Variants in RSRC2 observed in about 807,000 individuals in gnomAD.
The protein encoded by RSRC2 is arginine/serine-rich coiled-coil protein 2.
Under a neutral mutation model 61.3 loss-of-function variants are expected in RSRC2, and 5 were observed. The observed-to-expected ratio is 0.08, with a 90% CI of 0.04 to 0.17. The LOEUF (loss-of-function observed/expected upper bound fraction) is 0.17. RSRC2 is among the 10% of genes least tolerant of loss of function. The probability of loss-of-function intolerance (pLI) is 1.00; values close to 1 mark genes in which losing one functional copy is unlikely to be tolerated. For synonymous variants in RSRC2, 202 were observed against 166.5 expected (o/e 1.21, Z -1.64); for missense variants, 381 against 518.8 (o/e 0.73, Z 2.58).
chr12:122,522,070 T>C, intron 2 of RSRC2, 73 bp downstream of exon 2: 1 of 1,426,820 alleles, frequency 7.0e-7, no homozygotes, highest in Non-Finnish European at 9.5e-7. Flanking sequence ...TAAATGTATG[T>C]GTCTTCTTAT....
At chr12:122,520,365 A>C (rs1959179614) in intron 3 of RSRC2, 1 of 483,396 alleles carries the variant, frequency 2.1e-6, no homozygotes, top group African/African-American at 2.1e-5. Flanking sequence ...TAAGTGGTTA[A>C]ACTTCTAAAG....
intron 7 of RSRC2, 58 bp from the exon 8 acceptor site, chr12:122,508,505 G>A: frequency 7.7e-7 from 1 of 1,306,356 alleles, no homozygotes; most frequent in South Asian, 1.3e-5. Context: ...TAAACCTCCT[G>A]ATTTACATTA....
In RSRC2 at chr12:122,505,308, C is replaced by T; in HGVS notation, c.*219G>A. ...GAATTCATGAACTAAAAAATATTAT[C>T]CTTCTATAGTCCTGTCAAGTTTAAT... On this transcript the variant is annotated 3_prime_UTR_variant, in exon 10 of 10. Transcript: ENST00000331738. 1 of 399,522 alleles carries T rather than the reference C, an allele frequency of 2.5e-6. No homozygotes were observed. The highest frequency in any genetic ancestry group is 3.7e-5 in the East Asian group (1 of 26,928). The allele number at this position is 399,522 out of a possible 1,614,324, so 24.7% of individuals were successfully genotyped here.
intron 3 of RSRC2, chr12:122,520,351 G>C: frequency 2.4e-6 from 1 of 419,806 alleles, no homozygotes; most frequent in Non-Finnish European, 4.3e-6. Flanking sequence ...GACTGGAAAA[G>C]TCTTAAGTGG....
intron 9 of RSRC2, chr12:122,506,471 C>T (rs566497230): frequency 2.7e-4 from 49 of 184,042 alleles, no homozygotes; most frequent in African/African-American, 7.7e-4. Flanking sequence ...GGAGGCTGGG[C>T]GCAGTGGCTC....
At chr12:122,526,696 C>T (rs1366918082) in intron 1 of RSRC2, 152 bp downstream of exon 1, 1 of 837,532 alleles carries the variant, frequency 1.2e-6, no homozygotes, top group African/African-American at 1.7e-5. Flanking sequence ...CCCCTCCCTA[C>T]AGCAGGCAGC....
chr12:122,514,477 C>T (rs191271974), intron 6 of RSRC2: 2 of 412,590 alleles, frequency 4.8e-6, no homozygotes, highest in African/African-American at 2.2e-5. Flanking sequence ...GTTGGCCAGG[C>T]TGGTCTCCCA....
chr12:122,521,906 CAGA>C (rs1312252415), intron 2 of RSRC2, among the ~76,000 whole-genome samples: 3 of 152,216 alleles, frequency 2.0e-5, no homozygotes, highest in Non-Finnish European at 4.4e-5. Flanking sequence ...GAGGCTGAGG[CAGA>C]AGAACTGCCT....
intron 8 of RSRC2, 66 bp downstream of exon 8, chr12:122,508,152 A>T: frequency 7.1e-7 from 1 of 1,412,576 alleles, no homozygotes. Flanking sequence ...TTTCAACCCA[A>T]ATTTGTTTTT....
chr12:122,508,450 G>A lies in RSRC2; in HGVS notation c.806-3C>T. 6.2e-7 allele frequency: 1 copy of A among 1,607,200 alleles called. No homozygotes were observed. ...AACAGAACCTCCAGTAGCTGCAGCT[G>A]CTTGAAGAGAATACAAAAATGGATT... On this transcript the variant is annotated splice_polypyrimidine_tract_variant and splice_region_variant and intron_variant, in intron 7 of 9. Coordinates refer to ENST00000331738, the MANE Select transcript of RSRC2 (RefSeq NM_023012.6).
At chr12:122,516,321 GT>G (rs1958922500) in intron 5 of RSRC2, among the ~76,000 whole-genome samples, 1 of 152,070 alleles carries the variant, frequency 6.6e-6, no homozygotes, top group Admixed American at 6.6e-5. Context: ...GCTCTTTATT[GT>G]ACACCTCCTA....
At chr12:122,514,063 A>C (rs1958723249) in intron 6 of RSRC2, 1 of 152,204 alleles carries the variant, frequency 6.6e-6, no homozygotes, top group South Asian at 2.1e-4. Context: ...CGAGAGAAAA[A>C]AAAATCAAAA....
intron 4 of RSRC2, among the ~76,000 whole-genome samples, chr12:122,518,022 C>T (rs1029562883): frequency 1.3e-5 from 2 of 152,156 alleles, no homozygotes; most frequent in Non-Finnish European, 2.9e-5. Flanking sequence ...CTCAGCTGGG[C>T]AGAGTGACTC....
chr12:122,507,379 T>C (rs78863104), intron 8 of RSRC2: 4,832 of 155,698 alleles, frequency 0.031, 272 homozygotes, highest in African/African-American at 0.11. Flanking sequence ...CAAGACTCTG[T>C]CTCAAAAATA....
At chr12:122,508,105 C>T (rs1459879650) in intron 8 of RSRC2, 113 bp downstream of exon 8, 5 of 968,894 alleles carry the variant, frequency 5.2e-6, no homozygotes, top group East Asian at 5.2e-5. Context: ...CGTCTGGCCA[C>T]CCCAGGTTCT....
intron 6 of RSRC2, 150 bp from the exon 7 acceptor site, chr12:122,511,338 A>G (rs1314295869): frequency 2.2e-5 from 12 of 545,672 alleles, no homozygotes; most frequent in Non-Finnish European, 3.8e-5. Context: ...TGTGAAGAAA[A>G]AGCAATCATT....
In RSRC2 at chr12:122,518,982, A is replaced by C; in HGVS notation, c.255T>G (p.Ser85=). Residue 85 remains serine, a synonymous_variant, in exon 4 of 10, where the codon TCT becomes TCG. Coordinates refer to ENST00000331738, the MANE Select transcript of RSRC2 (RefSeq NM_023012.6). ...SKDKSSKKHK[S]EEHNDKEHSS... is the part of the protein sequence containing the mutation. ...AATGTTCTTTGTCATTATGTTCCTCAGACTTATGTTTCTTAGAGGATTTAT... is the reference window on the plus strand; with the variant it reads ...AATGTTCTTTGTCATTATGTTCCTCCGACTTATGTTTCTTAGAGGATTTAT... 6.2e-7 allele frequency: 1 copy of C among 1,613,658 alleles called. No individual in the cohort carries two copies. Among genetic ancestry groups the C allele is most frequent in the Non-Finnish European group, 8.5e-7 (1 of 1,179,696 alleles).
chr12:122,522,501 T>A (rs536771472), intron 1 of RSRC2: 2 of 463,732 alleles, frequency 4.3e-6, no homozygotes, highest in Non-Finnish European at 7.6e-6. Flanking sequence ...AAGCAAGACC[T>A]ACATATTTAG....
At chr12:122,524,870 A>G (rs1959830751) in intron 1 of RSRC2, among the ~76,000 whole-genome samples, 2 of 152,352 alleles carry the variant, frequency 1.3e-5, no homozygotes, top group African/African-American at 4.8e-5. Flanking sequence ...ACAGCCTTCT[A>G]TTCCAGCAGT....
Sources: allele counts gnomAD v4.1 joint callset (sites outside exome capture counted in the v4.1 genomes callset), GRCh38; gene constraint gnomAD v4.1.1; transcripts MANE v1.5; gene names NCBI Gene and HGNC (gene_info 2026-07-23, HGNC 2026-07-21).